The following PBX1 variants were observed in gnomAD, a reference collection of about 807,000 sequenced individuals.
PBX1 encodes the protein PBX homeobox 1.
In PBX1, 6 loss-of-function variants were observed where a neutral mutation model predicts 53.4. That is an observed-to-expected ratio of 0.11 (90% CI 0.06 to 0.22). The LOEUF (loss-of-function observed/expected upper bound fraction) is 0.22, where lower values mean the gene tolerates loss of function less well. Ranked by LOEUF, PBX1 falls within the 10% of genes least tolerant of loss-of-function variation. PBX1 has a pLI of 1.00. For synonymous variants in PBX1, 204 were observed against 212.3 expected, an observed-to-expected ratio of 0.96 and a Z score of 0.34; for missense variants, 251 against 551.4, an observed-to-expected ratio of 0.46 and a Z score of 5.46.
chr1:164,687,318 T>C (rs1256755678), intron 2 of PBX1, among the ~76,000 whole-genome samples: 1 of 152,030 alleles, frequency 6.6e-6, no homozygotes, highest in Non-Finnish European at 1.5e-5. Context: ...TCCCAGCACT[T>C]TGGGAGGCTG....
intron 3 of PBX1, among the ~76,000 whole-genome samples, chr1:164,799,363 C>T (rs988470571): frequency 1.4e-4 from 21 of 151,928 alleles, no homozygotes; most frequent in African/African-American, 4.4e-4. Flanking sequence ...TGGTGGCGGG[C>T]GCCTGTAGTC....
chr1:164,809,011 T>C (rs948515563), intron 5 of PBX1, among the ~76,000 whole-genome samples: 1 of 152,044 alleles, frequency 6.6e-6, no homozygotes, highest in African/African-American at 2.4e-5. Context: ...TCTAAACCCC[T>C]TTTCCACAAA....
intron 2 of PBX1, chr1:164,642,097 T>C (rs1032916016): frequency 6.6e-6 from 1 of 152,200 alleles, no homozygotes; most frequent in African/African-American, 2.4e-5. Context: ...TCTATTTTCA[T>C]AGGATAAGCC....
At chr1:164,729,241 G>T (rs1664855769) in intron 2 of PBX1, among the ~76,000 whole-genome samples, 1 of 152,160 alleles carries the variant, frequency 6.6e-6, no homozygotes, top group Non-Finnish European at 1.5e-5. Context: ...ATCAAATTGA[G>T]CCTCTTTATT....
At chr1:164,649,735 TAAACTC>T (rs1341844581) in intron 2 of PBX1, among the ~76,000 whole-genome samples, 4 of 152,216 alleles carry the variant, frequency 2.6e-5, no homozygotes, top group Non-Finnish European at 5.9e-5. Flanking sequence ...GGAGCAAACT[TAAACTC>T]ATGCAACTCA....
At chr1:164,742,548 A>C (rs1665668948) in intron 2 of PBX1, among the ~76,000 whole-genome samples, 1 of 152,220 alleles carries the variant, frequency 6.6e-6, no homozygotes, top group Admixed American at 6.5e-5. Context: ...TCTCAAAAAA[A>C]AGGATCACAA....
downstream of PBX1, among the ~76,000 whole-genome samples, chr1:164,853,062 C>A (rs144927379): frequency 1.3e-3 from 196 of 152,270 alleles, 1 homozygote; most frequent in Middle Eastern, 3.4e-3. Context: ...ACGGTATAGC[C>A]TAAGGCAAAT....
At chr1:164,865,487 A>C (rs1483502750) in intron 2 of PBX1, among the ~76,000 whole-genome samples, 1 of 152,226 alleles carries the variant, frequency 6.6e-6, no homozygotes, top group African/African-American at 2.4e-5. Context: ...CATAGTAGGC[A>C]GGAAAAGTTA....
chr1:164,674,685 C>G (rs943740800), intron 2 of PBX1: 2 of 152,054 alleles, frequency 1.3e-5, no homozygotes, highest in Admixed American at 6.6e-5. Context: ...TAGAAACCAC[C>G]CAGTGTGCCA....
chr1:164,622,422 A>G (rs1571086761), intron 2 of PBX1, among the ~76,000 whole-genome samples: 2 of 152,170 alleles, frequency 1.3e-5, no homozygotes, highest in East Asian at 1.9e-4. Flanking sequence ...ATCTTTTTCT[A>G]TCGTAATGAC....
chr1:164,567,971 T>C (rs1395544176), intron 2 of PBX1, among the ~76,000 whole-genome samples: 1 of 152,086 alleles, frequency 6.6e-6, no homozygotes, highest in Non-Finnish European at 1.5e-5. Flanking sequence ...TTCTGTACAG[T>C]AGGCTGCACT....
At chr1:164,586,838 G>A (rs1654979115) in intron 2 of PBX1, among the ~76,000 whole-genome samples, 1 of 152,150 alleles carries the variant, frequency 6.6e-6, no homozygotes, top group Non-Finnish European at 1.5e-5. Flanking sequence ...AGAGAGGTGT[G>A]ATTGAGAGTC....
chr1:164,820,571 A>G (rs1456194281), intron 7 of PBX1, among the ~76,000 whole-genome samples: 4 of 152,174 alleles, frequency 2.6e-5, no homozygotes, highest in Non-Finnish European at 5.9e-5. Context: ...AATATTTACC[A>G]TATAAAGAGG....
chr1:164,601,023 G>A (rs1656131369), intron 2 of PBX1, among the ~76,000 whole-genome samples: 1 of 151,898 alleles, frequency 6.6e-6, no homozygotes, highest in Admixed American at 6.6e-5. Context: ...GATCACCTGA[G>A]GTGTCAGGAG....
intron 8 of PBX1, among the ~76,000 whole-genome samples, chr1:164,845,186 A>G (rs2102417549): frequency 6.6e-6 from 1 of 152,332 alleles, no homozygotes; most frequent in East Asian, 1.9e-4. Context: ...GGGTGAGCCA[A>G]TGATAAAGAA....
intron 2 of PBX1, among the ~76,000 whole-genome samples, chr1:164,581,236 T>TC (rs1411088948): frequency 6.6e-6 from 1 of 151,688 alleles, no homozygotes; most frequent in East Asian, 1.9e-4. Flanking sequence ...CCATTTTTTT[T>TC]TTTTTTTTTG....
At chr1:164,801,297 C>A (rs998174218) in intron 4 of PBX1, among the ~76,000 whole-genome samples, 1 of 152,164 alleles carries the variant, frequency 6.6e-6, no homozygotes, top group African/African-American at 2.4e-5. Flanking sequence ...TTCTGTAATG[C>A]AGCCCGTTCT....
rs1357001564 is a variant in PBX1, at chr1:164,849,777, G to A, written c.*3101G>A. ...CTATGGTGGTGATTCTTTATTTGCT[G>A]GTTGTCTTTTCTCACACATCTTTCT... On this transcript the variant is annotated 3_prime_UTR_variant, in exon 9 of 9. Coordinates refer to ENST00000420696, the MANE Select transcript of PBX1 (RefSeq NM_002585.4). The A allele has an allele frequency of 8.4e-6, 2 of 238,674 alleles. No homozygotes were observed. Among genetic ancestry groups the A allele is most frequent in the Non-Finnish European group, 1.6e-5 (2 of 122,074 alleles). 14.8% of individuals were successfully genotyped at this position (238,674 alleles called of 1,614,324 possible). A position where few individuals can be genotyped will look rare whatever the true frequency, so the allele number is the denominator to read the frequency against.
Position 164,559,672 on chromosome 1 carries a change from T to A in PBX1, c.-151T>A. Reference sequence around the variant, plus strand: ...TCCTCTAAAGAGGCAAAGGGATTTTTTTTTTCTTTTGGTCTTCTTTTTTCC... The same window carrying A: ...TCCTCTAAAGAGGCAAAGGGATTTTATTTTTCTTTTGGTCTTCTTTTTTCC... On this transcript the variant is annotated 5_prime_UTR_variant, in exon 1 of 9. Transcript: ENST00000420696. 1.8e-6 allele frequency: 1 copy of A among 543,218 alleles called. No individual in the cohort carries two copies. Among genetic ancestry groups the A allele is most frequent in the East Asian group, 3.4e-5 (1 of 29,012 alleles). The allele number at this position is 543,218 out of a possible 1,614,324, so 33.6% of individuals were successfully genotyped here.
Sources: gnomAD v4.1 joint callset for allele counts (sites outside exome capture counted in the v4.1 genomes callset) on GRCh38, gnomAD v4.1.1 for gene constraint, MANE v1.5 for transcripts, NCBI Gene and HGNC (gene_info 2026-07-23, HGNC 2026-07-21) for gene names.